The following GFM2 variants were observed in gnomAD, a reference collection of about 807,000 sequenced individuals.
The protein encoded by GFM2 is ribosome-releasing factor 2, mitochondrial.
A neutral mutation model predicts 95.4 loss-of-function variants in GFM2; 72 were observed. The ratio of observed to expected loss-of-function variants is 0.76; its 90% CI spans 0.62 to 0.92. The LOEUF is 0.92. GFM2 is among the 40% of genes least tolerant of loss of function. GFM2 has a pLI of 0.00. For missense variants in GFM2, 825 were observed against 924.1 expected, an observed-to-expected ratio of 0.89 and a Z score of 1.39; for synonymous variants, 276 against 317.5, an observed-to-expected ratio of 0.87 and a Z score of 1.39.
intron 1 of GFM2, among the ~76,000 whole-genome samples, chr5:74,763,993 A>C (rs1744414894): frequency 6.6e-6 from 1 of 152,204 alleles, no homozygotes; most frequent in Non-Finnish European, 1.5e-5. Flanking sequence ...CTTATTTGTC[A>C]ATGTAATGTT....
Position 74,738,599 on chromosome 5 carries a change from G to C in GFM2, c.1123C>G (p.Leu375Val). 1 of 1,613,530 alleles carries C rather than the reference G, an allele frequency of 6.2e-7. No homozygotes were observed. Among genetic ancestry groups the C allele is most frequent in the Non-Finnish European group, 8.5e-7 (1 of 1,179,662 alleles). ...DDLCALAFKV[L>V]HDKQRGPLVF... ...AGTGGTCCTCGCTGCTTGTCATGGA[G>C]AACTTTAAATGCCAATGCACATAAG... is the stretch of plus-strand genomic sequence containing the variant. The change falls in exon 13 of 21, where the codon CTC becomes GTC. Residue 375 changes from leucine to valine, a missense_variant. Physicochemically the swap from Leu to Val is conservative, Grantham distance 32 (BLOSUM62 1). Transcript: ENST00000296805.
rs1352477218 is a variant in GFM2 at position 74,721,299 on chromosome 5, T to TCTATCTTATTACA, written c.*343_*355dup. On this transcript the variant is annotated 3_prime_UTR_variant, in exon 21 of 21. Transcript: ENST00000296805. ...TTTTTATTGATTGAACCTTTGACCC[T>TCTATCTTATTACA]CTATCTTATTACATTTAGAGGCCTG... is the stretch of plus-strand genomic sequence containing the variant. The TCTATCTTATTACA allele has an allele frequency of 8.2e-6, 7 of 858,796 alleles. No individual in the cohort carries two copies. The highest frequency in any genetic ancestry group is 5.7e-5 in the South Asian group (4 of 70,716). The allele number at this position is 858,796 out of a possible 1,614,324, so 53.2% of individuals were successfully genotyped here.
intron 15 of GFM2, 22 bp downstream of exon 15, chr5:74,736,774 G>C: frequency 6.2e-7 from 1 of 1,612,870 alleles, no homozygotes; most frequent in Non-Finnish European, 8.5e-7. Flanking sequence ...CTAATTAGTT[G>C]ACACACTAAG....
intron 1 of GFM2, among the ~76,000 whole-genome samples, chr5:74,765,729 G>A (rs1744545629): frequency 6.6e-6 from 1 of 152,178 alleles, no homozygotes; most frequent in Admixed American, 6.5e-5. Context: ...GGGCTCGGTG[G>A]CTCACGCCTG....
chr5:74,751,337 G>C, intron 6 of GFM2, 31 bp downstream of exon 6: 1 of 1,576,622 alleles, frequency 6.3e-7, no homozygotes, highest in Non-Finnish European at 8.6e-7. Flanking sequence ...AAATGACGCA[G>C]CATCTCTGTG....
chr5:74,731,896 A>G (rs1248222598), intron 16 of GFM2, among the ~76,000 whole-genome samples: 2 of 151,174 alleles, frequency 1.3e-5, no homozygotes, highest in Non-Finnish European at 3.0e-5. Context: ...TACTTGGTAG[A>G]TTTGTGTATT....
chr5:74,755,579 C>A (rs1743938515), intron 5 of GFM2, among the ~76,000 whole-genome samples: 1 of 152,062 alleles, frequency 6.6e-6, no homozygotes, highest in African/African-American at 2.4e-5. Flanking sequence ...AAAGATCACT[C>A]AAAGCTACTA....
chr5:74,747,612 T>C (rs1372865306), intron 8 of GFM2, 80 bp downstream of exon 8: 13 of 769,586 alleles, frequency 1.7e-5, no homozygotes, highest in Non-Finnish European at 2.9e-5. Flanking sequence ...AAATAGCTAT[T>C]CCTAAATTTA....
chr5:74,732,128 A>ATTTTTTT (rs533165001), intron 16 of GFM2, among the ~76,000 whole-genome samples: 708 of 84,936 alleles, frequency 8.3e-3, no homozygotes, highest in Middle Eastern at 0.023. Flanking sequence ...CTAATTTTTA[A>ATTTTTTT]TTTTTTTTTT....
intron 19 of GFM2, 43 bp from the exon 20 acceptor site, chr5:74,722,604 A>AACTT: frequency 6.6e-7 from 1 of 1,511,882 alleles, no homozygotes; most frequent in Non-Finnish European, 9.0e-7. Context: ...CATAAATAAA[A>AACTT]ACTTAAAATA....
At chr5:74,752,336 CATTT>C (rs1743760512) in intron 5 of GFM2, among the ~76,000 whole-genome samples, 1 of 152,068 alleles carries the variant, frequency 6.6e-6, no homozygotes, top group African/African-American at 2.4e-5. Flanking sequence ...CTTATACTAC[CATTT>C]ATTTCAGCAT....
intron 10 of GFM2, among the ~76,000 whole-genome samples, chr5:74,743,706 G>A (rs1242366398): frequency 6.6e-6 from 1 of 152,010 alleles, no homozygotes; most frequent in Non-Finnish European, 1.5e-5. Context: ...ATTAATAAAC[G>A]TCAATTCCAC....
rs959395345 is a variant in GFM2, at chr5:74,721,569, G to C, written c.*86C>G. The stretch of plus-strand genomic sequence containing the variant: ...AATGTACTGAAACAGTACTTTATTC[G>C]TCCAATAAATAAAGCAATAAAAATT... On this transcript the variant is annotated 3_prime_UTR_variant, in exon 21 of 21. Transcript: ENST00000296805. The C allele has an allele frequency of 8.1e-6, 11 of 1,351,676 alleles. No individual in the cohort carries two copies. The East Asian group carries it at 2.3e-4, about 28-fold the overall frequency. The allele number at this position is 1,351,676 out of a possible 1,614,324, so 83.7% of individuals were successfully genotyped here. A position where few individuals can be genotyped will look rare whatever the true frequency, so the allele number is the denominator to read the frequency against.
At chr5:74,730,459 A>G (rs1742499099) in intron 16 of GFM2, 61 bp from the exon 17 acceptor site, 1 of 1,150,758 alleles carries the variant, frequency 8.7e-7, no homozygotes, top group Non-Finnish European at 1.2e-6. Context: ...GCAGAATACT[A>G]TATAAAAGTA....
intron 8 of GFM2, among the ~76,000 whole-genome samples, chr5:74,746,887 C>A (rs1325366656): frequency 6.6e-6 from 1 of 152,044 alleles, no homozygotes; most frequent in South Asian, 2.1e-4. Context: ...ATAATCAAGA[C>A]AAGGTTCTTT....
At chr5:74,728,770 T>TTGAGA (rs1750274139) in intron 17 of GFM2, among the ~76,000 whole-genome samples, 1 of 113,794 alleles carries the variant, frequency 8.8e-6, no homozygotes, top group African/African-American at 4.1e-5. Flanking sequence ...TTTTTTTTTT[T>TTGAGA]TTTTGAGATG....
chr5:74,725,764 G>T lies in GFM2; in HGVS notation c.1913-9C>A. The T allele has an allele frequency of 6.3e-7, 1 of 1,596,974 alleles. No individual in the cohort carries two copies. The highest frequency in any genetic ancestry group is 8.6e-7 in the Non-Finnish European group (1 of 1,165,108). On this transcript the variant is annotated splice_polypyrimidine_tract_variant and intron_variant, in intron 18 of 20. Coordinates refer to ENST00000296805, the MANE Select transcript of GFM2 (RefSeq NM_032380.5). ...GGATCCAAGCAATGGTCCTAGACAA[G>T]GGAAAAAAATTGTATCATACTCTGC...
At chr5:74,736,449 T>C in intron 15 of GFM2, 1 of 984,908 alleles carries the variant, frequency 1.0e-6, no homozygotes, top group Non-Finnish European at 1.2e-6. Context: ...AGCATTTTTA[T>C]ACATGATGAT....
intron 10 of GFM2, among the ~76,000 whole-genome samples, chr5:74,744,832 C>G (rs1179143259): frequency 6.6e-6 from 1 of 152,094 alleles, no homozygotes; most frequent in Non-Finnish European, 1.5e-5. Context: ...CAAAGCCCAT[C>G]CACAGGAGAA....
Sources: gnomAD v4.1 joint callset for allele counts (sites outside exome capture counted in the v4.1 genomes callset) on GRCh38, gnomAD v4.1.1 for gene constraint, MANE v1.5 for transcripts, NCBI Gene and HGNC (gene_info 2026-07-23, HGNC 2026-07-21) for gene names.